The following CCDC60 variants were observed in gnomAD, a reference collection of about 807,000 sequenced individuals.
CCDC60 encodes the protein coiled-coil domain containing 60.
Under a neutral mutation model 63.5 loss-of-function variants are expected in CCDC60, and 54 were observed. The ratio of observed to expected loss-of-function variants is 0.85; its 90% CI spans 0.68 to 1.07. CCDC60 has a LOEUF of 1.07. Ranked by LOEUF, CCDC60 falls within the 50% of genes least tolerant of loss-of-function variation. CCDC60 has a pLI of 0.00. For missense variants in CCDC60, 651 were observed against 684.3 expected (o/e 0.95, Z 0.54); for synonymous variants, 206 against 238.8 (o/e 0.86, Z 1.27).
intron 1 of CCDC60, among the ~76,000 whole-genome samples, chr12:119,360,379 C>T (rs1436924678): frequency 1.2e-4 from 10 of 86,794 alleles, no homozygotes; most frequent in South Asian, 6.8e-4. Flanking sequence ...GGCGGCTGGC[C>T]GGGCGGGGGG....
intron 8 of CCDC60, among the ~76,000 whole-genome samples, 163 bp from the exon 9 acceptor site, chr12:119,519,958 G>A (rs1037307897): frequency 6.6e-6 from 1 of 152,036 alleles, no homozygotes; most frequent in African/African-American, 2.4e-5. Flanking sequence ...AAATGTGGCC[G>A]AGGAATCTGT....
intron 1 of CCDC60, among the ~76,000 whole-genome samples, chr12:119,353,235 G>T (rs1460781142): frequency 1.3e-5 from 2 of 152,040 alleles, no homozygotes; most frequent in African/African-American, 4.8e-5. Flanking sequence ...TTGTCTGCCT[G>T]TGAAGGAAGA....
At chr12:119,507,614 A>ATACACATATATATACATATATATATAT (rs1368858215) in intron 7 of CCDC60, among the ~76,000 whole-genome samples, 2 of 50,498 alleles carry the variant, frequency 4.0e-5, no homozygotes, top group Non-Finnish European at 6.6e-5. Flanking sequence ...ATATATATAT[A>ATACACATATATATACATATATATATAT]TTTTTTTTTT....
At chr12:119,526,579 C>T (rs999374453) in intron 11 of CCDC60, among the ~76,000 whole-genome samples, 1 of 151,982 alleles carries the variant, frequency 6.6e-6, no homozygotes, top group South Asian at 2.1e-4. Context: ...GAAAAACAAC[C>T]CATTGAAAAG....
chr12:119,468,588 G>T (rs1950997802), intron 2 of CCDC60, among the ~76,000 whole-genome samples: 1 of 151,962 alleles, frequency 6.6e-6, no homozygotes, highest in Non-Finnish European at 1.5e-5. Context: ...AATCTTCCAG[G>T]AGCACATTCA....
At chr12:119,346,666 T>C (rs1955595855) in intron 1 of CCDC60, among the ~76,000 whole-genome samples, 2 of 152,234 alleles carry the variant, frequency 1.3e-5, no homozygotes, top group South Asian at 2.1e-4. Flanking sequence ...ATTTGCATTT[T>C]CTTGAGCTTT....
intron 3 of CCDC60, among the ~76,000 whole-genome samples, chr12:119,478,375 A>G (rs562980175): frequency 1.2e-4 from 19 of 152,080 alleles, no homozygotes; most frequent in African/African-American, 4.6e-4. Flanking sequence ...CCCCCAAAAA[A>G]AATCCTATTT....
chr12:119,492,045 C>T (rs954465931), intron 5 of CCDC60, among the ~76,000 whole-genome samples: 6 of 152,162 alleles, frequency 3.9e-5, no homozygotes, highest in Non-Finnish European at 7.3e-5. Context: ...ATTCTATCAG[C>T]GCTCCGAGGA....
intron 2 of CCDC60, chr12:119,428,968 C>G (rs532533816): frequency 2.7e-6 from 1 of 364,650 alleles, no homozygotes; most frequent in Admixed American, 6.3e-5. Flanking sequence ...CATGCCATGC[C>G]AGCCTCCAGC....
chr12:119,484,344 C>A (rs1951390204), intron 4 of CCDC60, among the ~76,000 whole-genome samples: 3 of 152,136 alleles, frequency 2.0e-5, no homozygotes, highest in East Asian at 1.9e-4. Flanking sequence ...GAAATATTTA[C>A]CATTAGTATT....
At chr12:119,375,571 C>A (rs996906398) in intron 1 of CCDC60, among the ~76,000 whole-genome samples, 2 of 152,124 alleles carry the variant, frequency 1.3e-5, no homozygotes, top group Non-Finnish European at 2.9e-5. Flanking sequence ...GCCCCTCCCC[C>A]CAACTGTCTC....
intron 4 of CCDC60, among the ~76,000 whole-genome samples, chr12:119,482,333 T>C (rs1309016589): frequency 6.6e-6 from 1 of 151,222 alleles, no homozygotes; most frequent in Non-Finnish European, 1.5e-5. Flanking sequence ...GCTATTACTA[T>C]TATTATTATT....
At chr12:119,507,614 A>ATATATATATATATT (rs1368858215) in intron 7 of CCDC60, among the ~76,000 whole-genome samples, 2 of 50,498 alleles carry the variant, frequency 4.0e-5, no homozygotes, top group Non-Finnish European at 6.6e-5. Flanking sequence ...ATATATATAT[A>ATATATATATATATT]TTTTTTTTTT....
At chr12:119,409,091 AGT>A (rs1956546790) in intron 1 of CCDC60, among the ~76,000 whole-genome samples, 1 of 152,134 alleles carries the variant, frequency 6.6e-6, no homozygotes, top group East Asian at 1.9e-4. Context: ...ATTATACAAG[AGT>A]GTGAGTACCA....
chr12:119,516,403 C>G (rs1952354754), intron 7 of CCDC60, among the ~76,000 whole-genome samples: 1 of 152,208 alleles, frequency 6.6e-6, no homozygotes, highest in Non-Finnish European at 1.5e-5. Context: ...AAACGTAACA[C>G]AGAACCACTG....
At chr12:119,337,807 CATGTGTGTGTGTGTATTT>C in intron 1 of CCDC60, among the ~76,000 whole-genome samples, 1 of 142,966 alleles carries the variant, frequency 7.0e-6, no homozygotes, top group African/African-American at 2.7e-5. Flanking sequence ...TAGATTCACG[CATGTGTGTGTGTGTATTT>C]GTGTGTGTGT....
At chr12:119,476,288 G>A (rs976566620) in intron 3 of CCDC60, among the ~76,000 whole-genome samples, 13 of 152,148 alleles carry the variant, frequency 8.5e-5, no homozygotes, top group African/African-American at 3.1e-4. Context: ...TTTTATTATT[G>A]TGGTTGAGAG....
chr12:119,403,956 A>G (rs903686052), intron 1 of CCDC60, among the ~76,000 whole-genome samples: 3 of 152,192 alleles, frequency 2.0e-5, no homozygotes, highest in African/African-American at 7.2e-5. Flanking sequence ...CACCTCACAT[A>G]CTAATCATTC....
chr12:119,521,288 T>G (rs1952521567), intron 9 of CCDC60, among the ~76,000 whole-genome samples: 1 of 152,214 alleles, frequency 6.6e-6, no homozygotes. Flanking sequence ...CAACTAAAGA[T>G]GCAACTTTTT....
Sources: gnomAD v4.1 joint callset for allele counts (sites outside exome capture counted in the v4.1 genomes callset) on GRCh38, gnomAD v4.1.1 for gene constraint, MANE v1.5 for transcripts, NCBI Gene and HGNC (gene_info 2026-07-23, HGNC 2026-07-21) for gene names.